The following SLC25A21 variants were observed in gnomAD, a reference collection of about 807,000 sequenced individuals.
SLC25A21 encodes solute carrier family 25 member 21.
A neutral mutation model predicts 43.8 loss-of-function variants in SLC25A21; 47 were observed. The ratio of observed to expected loss-of-function variants is 1.07; its 90% CI spans 0.85 to 1.37. SLC25A21 has a LOEUF of 1.37. Ranked by LOEUF, SLC25A21 falls within the 40% of genes most tolerant of loss-of-function variation. The probability of loss-of-function intolerance (pLI) is 0.00; values close to 1 mark genes in which losing one functional copy is unlikely to be tolerated. For synonymous variants in SLC25A21, 131 were observed against 121.3 expected (o/e 1.08, Z -0.52); for missense variants, 352 against 350.2 (o/e 1.00, Z -0.04).
chr14:37,036,707 A>C (rs1448169044), intron 1 of SLC25A21, among the ~76,000 whole-genome samples: 2 of 152,230 alleles, frequency 1.3e-5, no homozygotes, highest in Non-Finnish European at 2.9e-5. Context: ...CACTTCCAAA[A>C]TTTTGAAGTT....
chr14:37,080,564 C>T (rs2093086), intron 1 of SLC25A21, among the ~76,000 whole-genome samples: 3,059 of 152,266 alleles, frequency 0.02, 115 homozygotes, highest in African/African-American at 0.07. Context: ...CGTGCCACTG[C>T]ACTTCCGCCT....
chr14:36,730,837 G>GTA (rs1351855412), intron 4 of SLC25A21, among the ~76,000 whole-genome samples: 1 of 152,086 alleles, frequency 6.6e-6, no homozygotes, highest in East Asian at 1.9e-4. Flanking sequence ...ACATTCTAGT[G>GTA]GCTAGTGAAA....
chr14:36,933,119 C>T (rs191741543), intron 1 of SLC25A21, among the ~76,000 whole-genome samples: 2 of 152,206 alleles, frequency 1.3e-5, no homozygotes, highest in Non-Finnish European at 2.9e-5. Context: ...GGGCACACCC[C>T]TAGTTAGATC....
intron 1 of SLC25A21, among the ~76,000 whole-genome samples, chr14:36,955,184 A>C (rs1351818004): frequency 6.6e-6 from 1 of 152,218 alleles, no homozygotes; most frequent in African/African-American, 2.4e-5. Flanking sequence ...AACAAACTAA[A>C]AATAACTAAA....
intron 7 of SLC25A21, among the ~76,000 whole-genome samples, chr14:36,701,024 C>T (rs1336350170): frequency 6.6e-6 from 1 of 152,064 alleles, no homozygotes; most frequent in Non-Finnish European, 1.5e-5. Flanking sequence ...TGCATTTTAG[C>T]TATTGTTAGT....
intron 1 of SLC25A21, among the ~76,000 whole-genome samples, chr14:37,164,034 G>A (rs1167576551): frequency 6.6e-6 from 1 of 152,190 alleles, no homozygotes; most frequent in Non-Finnish European, 1.5e-5. Context: ...GGGAGGTGAG[G>A]AAGGGCTGGT....
chr14:36,795,272 A>T (rs1887635872), intron 3 of SLC25A21, among the ~76,000 whole-genome samples: 5 of 152,190 alleles, frequency 3.3e-5, no homozygotes. Flanking sequence ...TAGGGATCAT[A>T]AGTAAAGTAG....
chr14:36,747,697 A>C (rs1354227547), intron 3 of SLC25A21, among the ~76,000 whole-genome samples: 6 of 152,184 alleles, frequency 3.9e-5, no homozygotes, highest in Non-Finnish European at 8.8e-5. Flanking sequence ...TATAATTCAC[A>C]TTTGGAAGTG....
intron 1 of SLC25A21, among the ~76,000 whole-genome samples, chr14:37,164,445 A>G (rs1963998347): frequency 6.6e-6 from 1 of 152,086 alleles, no homozygotes; most frequent in Non-Finnish European, 1.5e-5. Flanking sequence ...CCTGCTATTT[A>G]TTATCAAACA....
chr14:36,809,931 A>G (rs1427589868), intron 3 of SLC25A21, among the ~76,000 whole-genome samples: 19 of 152,228 alleles, frequency 1.2e-4, no homozygotes, highest in Non-Finnish European at 1.5e-5. Context: ...GAAAGTCAAA[A>G]GAACTTCTTT....
chr14:36,741,017 C>G (rs1885233631), intron 3 of SLC25A21, among the ~76,000 whole-genome samples: 1 of 152,020 alleles, frequency 6.6e-6, no homozygotes, highest in Non-Finnish European at 1.5e-5. Context: ...AGTGGGTAGA[C>G]AGGGGAAGGC....
chr14:37,097,389 C>T (rs1004483349), intron 1 of SLC25A21, among the ~76,000 whole-genome samples: 2 of 152,078 alleles, frequency 1.3e-5, no homozygotes, highest in Non-Finnish European at 2.9e-5. Flanking sequence ...TGTGAGCCAC[C>T]GCACTCGGCC....
intron 3 of SLC25A21, among the ~76,000 whole-genome samples, chr14:36,753,736 A>G (rs1200511012): frequency 6.6e-6 from 1 of 152,208 alleles, no homozygotes; most frequent in Non-Finnish European, 1.5e-5. Flanking sequence ...TTTCAGAACC[A>G]TAGCACTTCT....
intron 3 of SLC25A21, among the ~76,000 whole-genome samples, chr14:36,746,649 G>T (rs570928162): frequency 6.6e-6 from 1 of 152,244 alleles, no homozygotes; most frequent in East Asian, 1.9e-4. Flanking sequence ...CCTTGCTGAG[G>T]AAATTCCTTG....
intron 1 of SLC25A21, among the ~76,000 whole-genome samples, chr14:37,086,823 C>A (rs537604311): frequency 5.9e-5 from 9 of 152,252 alleles, no homozygotes; most frequent in Admixed American, 4.6e-4. Context: ...AAGGGAAAGC[C>A]ACTTAAAATT....
At chr14:36,775,979 C>T (rs1400985326) in intron 3 of SLC25A21, among the ~76,000 whole-genome samples, 2 of 151,974 alleles carry the variant, frequency 1.3e-5, no homozygotes, top group African/African-American at 4.8e-5. Context: ...TAAGGGTTAC[C>T]ACCTCATTTT....
intron 1 of SLC25A21, among the ~76,000 whole-genome samples, chr14:37,064,074 T>C (rs1962008789): frequency 6.6e-6 from 1 of 152,132 alleles, no homozygotes; most frequent in Admixed American, 6.5e-5. Flanking sequence ...GTGAGGAAGA[T>C]TAACCCTCAA....
chr14:36,911,339 G>A (rs1277658767), intron 1 of SLC25A21, among the ~76,000 whole-genome samples: 2 of 151,856 alleles, frequency 1.3e-5, no homozygotes, highest in African/African-American at 4.9e-5. Context: ...AGACCACAAG[G>A]AAGAAGAGTA....
At chr14:36,954,329 T>C (rs1326125465) in intron 1 of SLC25A21, among the ~76,000 whole-genome samples, 1 of 152,034 alleles carries the variant, frequency 6.6e-6, no homozygotes, top group Admixed American at 6.6e-5. Context: ...CCTAGAGAAG[T>C]CCTCCTTAGC....
Sources: allele counts gnomAD v4.1 joint callset (sites outside exome capture counted in the v4.1 genomes callset), GRCh38; gene constraint gnomAD v4.1.1; transcripts MANE v1.5; gene names NCBI Gene and HGNC (gene_info 2026-07-23, HGNC 2026-07-21).